The following LRRC40 variants were observed in gnomAD, a reference collection of about 807,000 sequenced individuals.
LRRC40 encodes the protein leucine rich repeat containing 40.
In LRRC40, 76 loss-of-function variants were observed where a neutral mutation model predicts 72.8. The ratio of observed to expected loss-of-function variants is 1.04; its 90% CI spans 0.87 to 1.26. LRRC40 has a LOEUF of 1.26. Ranked by LOEUF, LRRC40 falls within the 50% of genes most tolerant of loss-of-function variation. LRRC40 has a pLI of 0.00. For missense variants in LRRC40, 684 were observed against 698.9 expected (o/e 0.98, Z 0.24); for synonymous variants, 243 against 254.2 (o/e 0.96, Z 0.42).
At chr1:70,160,655 T>A (rs1488042300) in intron 9 of LRRC40, among the ~76,000 whole-genome samples, 3 of 152,114 alleles carry the variant, frequency 2.0e-5, no homozygotes, top group African/African-American at 7.2e-5. Flanking sequence ...CATGATCGTA[T>A]AATGAGGTAG....
intron 1 of LRRC40, among the ~76,000 whole-genome samples, chr1:70,191,547 T>C (rs560292543): frequency 2.0e-5 from 3 of 152,288 alleles, no homozygotes; most frequent in African/African-American, 7.2e-5. Context: ...TGTACTATTA[T>C]TGAACATGTA....
In LRRC40 at chr1:70,187,325, T is replaced by A; in HGVS notation, c.347A>T (p.Gln116Leu). 6.4e-7 allele frequency: 1 copy of A among 1,562,002 alleles called. No homozygotes were observed. Among genetic ancestry groups the A allele is most frequent in the Non-Finnish European group, 8.8e-7 (1 of 1,138,108 alleles). The change falls in exon 3 of 15, where the codon CAG becomes CTG. Residue 116 changes from glutamine (Q) to leucine (L), a missense_variant. Coordinates refer to ENST00000370952, the MANE Select transcript of LRRC40 (RefSeq NM_017768.5). Reference sequence around the variant, plus strand: ...TATAGCAGAAGGAAGGGATGTCAACTGATTATCATGTATCTAAAAGTTTTT... The same window carrying A: ...TATAGCAGAAGGAAGGGATGTCAACAGATTATCATGTATCTAAAAGTTTTT... ...ALTVLDIHDN[Q>L]LTSLPSAIRE... is the part of the protein sequence containing the mutation.
chr1:70,148,700 A>G (rs1434720756), intron 13 of LRRC40, 28 bp from the exon 14 acceptor site: 2 of 1,398,352 alleles, frequency 1.4e-6, no homozygotes, highest in Non-Finnish European at 2.0e-6. Flanking sequence ...GAACACCTAA[A>G]TATACTGGAA....
rs1156535700 is a variant in LRRC40 at position 70,175,956 on chromosome 1, A to C, written c.831T>G (p.Ile277Met). Residue 277 changes from isoleucine (I) to methionine (M), a missense_variant, in exon 7 of 15, where the codon ATT becomes ATG. Transcript: ENST00000370952. The part of the protein sequence containing the change: ...LKELHVGENQ[I>M]EMLEAEHLKH... ...TAAGATGTTCTGCCTCTAACATTTC[A>C]ATCTGGTTTTCACCTACGTGCAATT... 6.3e-7 allele frequency: 1 copy of C among 1,581,488 alleles called. No individual in the cohort carries two copies. The highest frequency in any genetic ancestry group is 8.6e-7 in the Non-Finnish European group (1 of 1,169,134).
At chr1:70,192,294 C>T (rs1044359896) in intron 1 of LRRC40, among the ~76,000 whole-genome samples, 3 of 151,908 alleles carry the variant, frequency 2.0e-5, no homozygotes, top group African/African-American at 4.8e-5. Flanking sequence ...TATAGGAATG[C>T]TAGTGATTTT....
chr1:70,161,090 T>A (rs1156767388), intron 9 of LRRC40, among the ~76,000 whole-genome samples: 1 of 141,680 alleles, frequency 7.1e-6, no homozygotes, highest in Non-Finnish European at 1.6e-5. Context: ...TATCTCATTA[T>A]TTTTTTTTTT....
At chr1:70,147,491 T>A (rs1306408598) in intron 14 of LRRC40, among the ~76,000 whole-genome samples, 2 of 152,174 alleles carry the variant, frequency 1.3e-5, no homozygotes, top group African/African-American at 4.8e-5. Flanking sequence ...AAATGAAGTA[T>A]CTTACTACAG....
At chr1:70,161,660 T>G (rs1401070790) in intron 9 of LRRC40, among the ~76,000 whole-genome samples, 1 of 152,156 alleles carries the variant, frequency 6.6e-6, no homozygotes, top group African/African-American at 2.4e-5. Flanking sequence ...AACGAAGTCT[T>G]CAGAGCTTCA....
intron 13 of LRRC40, among the ~76,000 whole-genome samples, chr1:70,150,566 T>C (rs1206899575): frequency 6.6e-6 from 1 of 152,250 alleles, no homozygotes; most frequent in East Asian, 1.9e-4. Context: ...AATCTAAGTT[T>C]CGTTGAGCAC....
intron 13 of LRRC40, among the ~76,000 whole-genome samples, chr1:70,148,987 C>G (rs1450052213): frequency 6.6e-6 from 1 of 152,076 alleles, no homozygotes; most frequent in East Asian, 1.9e-4. Context: ...TAAATGTATC[C>G]ATGTAGGTAT....
chr1:70,203,973 G>A (rs1014846891), intron 1 of LRRC40, among the ~76,000 whole-genome samples: 3 of 152,144 alleles, frequency 2.0e-5, no homozygotes, highest in Non-Finnish European at 4.4e-5. Flanking sequence ...CCTATGAAAT[G>A]CTGTTTATTC....
Position 70,145,891 on chromosome 1 carries a change from T to C in LRRC40, c.1718A>G (p.Asp573Gly). The C allele has an allele frequency of 6.3e-7, 1 of 1,580,188 alleles. No individual in the cohort carries two copies. Residue 573 changes from aspartate (D) to glycine (G), a missense_variant, in exon 15 of 15, where the codon GAT becomes GGT. Transcript: ENST00000370952. Reference sequence around the variant, plus strand: ...TCGAGGAACTCGGAATGGATTTCCATCCAGTAGTAATGTTCTAAACAAAAG... The same window carrying C: ...TCGAGGAACTCGGAATGGATTTCCACCCAGTAGTAATGTTCTAAACAAAAG... ...NCVNLRTLLL[D>G]GNPFRVPRAA...
At chr1:70,148,465 TG>T in intron 14 of LRRC40, 21 bp downstream of exon 14, 2 of 1,538,400 alleles carry the variant, frequency 1.3e-6, no homozygotes, top group Non-Finnish European at 8.9e-7. Context: ...AATGAAACAA[TG>T]CAGTAGAATG....
chr1:70,152,685 C>CAT, intron 11 of LRRC40, 142 bp from the exon 12 acceptor site: 1 of 625,248 alleles, frequency 1.6e-6, no homozygotes, highest in Non-Finnish European at 2.8e-6. Context: ...TTCACAGGAA[C>CAT]ATTAATGAGT....
intron 10 of LRRC40, among the ~76,000 whole-genome samples, chr1:70,159,088 T>C (rs1667701570): frequency 6.6e-6 from 1 of 152,164 alleles, no homozygotes; most frequent in Non-Finnish European, 1.5e-5. Flanking sequence ...AGTACTCTGA[T>C]GAATTTTTCC....
chr1:70,175,365 G>A (rs888117776), intron 7 of LRRC40, among the ~76,000 whole-genome samples: 4 of 152,032 alleles, frequency 2.6e-5, no homozygotes, highest in African/African-American at 9.7e-5. Context: ...AAAATTCTAG[G>A]GTCCCGTCAT....
At chr1:70,164,571 A>G (rs1667838516) in intron 9 of LRRC40, among the ~76,000 whole-genome samples, 1 of 152,056 alleles carries the variant, frequency 6.6e-6, no homozygotes, top group Non-Finnish European at 1.5e-5. Flanking sequence ...AATTTTACCA[A>G]TCTGGCAGGA....
Position 70,145,594 on chromosome 1 carries a change from A to T in LRRC40, c.*206T>A. ...CCATTACAAATGTATACAACACCTT[A>T]CAAAAATCTTAAATAAAAATGTAAA... On this transcript the variant is annotated 3_prime_UTR_variant, in exon 15 of 15. Coordinates refer to ENST00000370952, the MANE Select transcript of LRRC40 (RefSeq NM_017768.5). 1 of 374,404 alleles carries T rather than the reference A, an allele frequency of 2.7e-6. No homozygotes were observed. The highest frequency in any genetic ancestry group is 4.8e-6 in the Non-Finnish European group (1 of 209,434). The allele number at this position is 374,404 out of a possible 1,614,324, so 23.2% of individuals were successfully genotyped here. A position where few individuals can be genotyped will look rare whatever the true frequency, so the allele number is the denominator to read the frequency against.
At chr1:70,159,274 G>A (rs2100250346) in intron 10 of LRRC40, 56 bp downstream of exon 10, 1 of 750,596 alleles carries the variant, frequency 1.3e-6, no homozygotes, top group East Asian at 3.1e-5. Context: ...GACCAGCCTG[G>A]GCAACACAGT....
Sources: allele counts gnomAD v4.1 joint callset (sites outside exome capture counted in the v4.1 genomes callset), GRCh38; gene constraint gnomAD v4.1.1; transcripts MANE v1.5; gene names NCBI Gene and HGNC (gene_info 2026-07-23, HGNC 2026-07-21).